Variants in BRI3 observed in about 807,000 individuals in gnomAD.
BRI3 encodes the protein membrane protein BRI3.
Under a neutral mutation model 12.8 loss-of-function variants are expected in BRI3, and 6 were observed. The ratio of observed to expected loss-of-function variants is 0.47; its 90% CI spans 0.26 to 0.93. The LOEUF (loss-of-function observed/expected upper bound fraction) is 0.93. Among genes scored for constraint, BRI3 ranks in the 40% least tolerant of loss-of-function variants. BRI3 has a pLI of 0.15. For synonymous variants in BRI3, 91 were observed against 76.1 expected, an observed-to-expected ratio of 1.20 and a Z score of -1.02; for missense variants, 134 against 171.1, an observed-to-expected ratio of 0.78 and a Z score of 1.21.
the BRI3 span, chr7:98,317,254 G>A: frequency 1.7e-5 from 28 of 1,614,030 alleles, no homozygotes; most frequent in Non-Finnish European, 1.8e-5. Flanking sequence ...AGTGCGTTTC[G>A]GCTTCCTTGG....
downstream of BRI3, among the ~76,000 whole-genome samples, chr7:98,295,391 T>C (rs1386643593): frequency 2.1e-4 from 32 of 152,200 alleles, no homozygotes; most frequent in Admixed American, 2.1e-3. Flanking sequence ...TTGCACATCC[T>C]ACAGGGCTTT....
chr7:98,283,568 G>C (rs140403173), intron 2 of BRI3, among the ~76,000 whole-genome samples: 1 of 152,168 alleles, frequency 6.6e-6, no homozygotes, highest in African/African-American at 2.4e-5. Flanking sequence ...GGCTGCCTTC[G>C]GGACATAGTT....
At chr7:98,315,568 G>A in the BRI3 span, 2 of 1,487,088 alleles carry the variant, frequency 1.3e-6, no homozygotes, top group Non-Finnish European at 1.8e-6. Context: ...CATCTGCAAT[G>A]AATTTCTGGA....
At chr7:98,312,241 C>A (rs1236483901), downstream of BRI3, 1 of 1,612,730 alleles carries the variant, frequency 6.2e-7, no homozygotes, top group East Asian at 2.2e-5. Flanking sequence ...ACCGAGGCAG[C>A]TTGGAATTCA....
intron 2 of BRI3, among the ~76,000 whole-genome samples, chr7:98,290,315 C>T (rs1009875575): frequency 4.0e-5 from 6 of 151,512 alleles, no homozygotes; most frequent in Non-Finnish European, 7.4e-5. Context: ...CCTGCCTCAG[C>T]CTCCTGAGTA....
At chr7:98,302,263 T>C (rs1800460619), upstream of BRI3, among the ~76,000 whole-genome samples, 1 of 152,196 alleles carries the variant, frequency 6.6e-6, no homozygotes, top group African/African-American at 2.4e-5. Context: ...ATAAATACGC[T>C]GACAATGACA....
upstream of BRI3, among the ~76,000 whole-genome samples, chr7:98,305,439 C>A (rs1051536617): frequency 1.3e-5 from 2 of 152,130 alleles, no homozygotes; most frequent in African/African-American, 4.8e-5. Context: ...TTGCAGACAG[C>A]ATCAGACCCT....
Position 98,290,178 on chromosome 7 carries a change from G to GTTT in BRI3, c.246-931_246-930insTTT, listed in dbSNP as rs1200763476. The stretch of plus-strand genomic sequence containing the variant: ...CACCAAAATGATCATGCCTCTCAAG[G>GTTT]TTGTTTTTTTTTTTTTTTTTTTTTT... On this transcript the variant is annotated intron_variant, in intron 2 of 2. Transcript: ENST00000297290. Among the ~76,000 whole-genome samples the GTTT allele has an allele frequency of 1.5e-3, 142 of 92,252 alleles. 3 individuals are homozygous for GTTT. The highest frequency in any genetic ancestry group is 3.8e-3 in the African/African-American group (107 of 28,316). The allele number at this position is 92,252 out of a possible 152,430, so 60.5% of individuals were successfully genotyped here.
chr7:98,313,898 G>A (rs1443298375), downstream of BRI3, among the ~76,000 whole-genome samples: 2 of 151,622 alleles, frequency 1.3e-5, no homozygotes, highest in Non-Finnish European at 2.9e-5. Context: ...CCAAAGGGCT[G>A]GGATTATAGG....
At chr7:98,300,574 C>T (rs767970112) in intron 1 of BRI3, among the ~76,000 whole-genome samples, 5 of 152,272 alleles carry the variant, frequency 3.3e-5, no homozygotes, top group East Asian at 1.9e-4. Context: ...TCTAACCTGC[C>T]GTGGGCCTTG....
downstream of BRI3, among the ~76,000 whole-genome samples, chr7:98,295,075 C>T (rs935754149): frequency 1.3e-5 from 2 of 152,236 alleles, no homozygotes; most frequent in Admixed American, 6.5e-5. Flanking sequence ...GGAAGCGTCC[C>T]AGCACCCCCA....
chr7:98,293,556 C>A, downstream of BRI3: 2 of 1,613,942 alleles, frequency 1.2e-6, no homozygotes, highest in Non-Finnish European at 8.5e-7. Flanking sequence ...TCATTCGTCA[C>A]AGTCGGGCGG....
exon 2 of BRI3, chr7:98,309,050 ATC>A (rs1281831396): frequency 6.6e-6 from 1 of 151,726 alleles, no homozygotes; most frequent in Non-Finnish European, 1.5e-5. Context: ...ACAATGCAAG[ATC>A]TCTTTCTGCT....
At chr7:98,308,349 G>T in exon 2 of BRI3, 1 of 450,658 alleles carries the variant, frequency 2.2e-6, no homozygotes, top group Non-Finnish European at 4.5e-6. Context: ...AGTTGGTCTT[G>T]CCATGCTGGC....
At chr7:98,295,326 G>T (rs895457746), downstream of BRI3, among the ~76,000 whole-genome samples, 1 of 152,114 alleles carries the variant, frequency 6.6e-6, no homozygotes, top group East Asian at 1.9e-4. Flanking sequence ...CAGGGCATCT[G>T]GGGCCAATTC....
At chr7:98,282,261 G>A (rs1799544847) in intron 1 of BRI3, 90 bp from the exon 2 acceptor site, 1 of 1,146,950 alleles carries the variant, frequency 8.7e-7, no homozygotes. Context: ...TTTTTTAGCG[G>A]GGTGGAGGTT....
At chr7:98,294,275 G>C (rs1562961534), downstream of BRI3, among the ~76,000 whole-genome samples, 1 of 152,206 alleles carries the variant, frequency 6.6e-6, no homozygotes. Context: ...CTACAGGTGT[G>C]AGCCGCTGCG....
chr7:98,320,184 G>A, the BRI3 span: 4 of 1,588,380 alleles, frequency 2.5e-6, no homozygotes, highest in Non-Finnish European at 3.4e-6. Context: ...AGCAAAATAA[G>A]TTCTAAAACC....
downstream of BRI3, chr7:98,293,114 A>G (rs1326429698): frequency 4.8e-6 from 2 of 416,784 alleles, no homozygotes; most frequent in African/African-American, 4.2e-5. Flanking sequence ...ACATAATGCT[A>G]TTAAGAGCAC....
Sources: gnomAD v4.1 joint callset for allele counts (sites outside exome capture counted in the v4.1 genomes callset) on GRCh38, gnomAD v4.1.1 for gene constraint, MANE v1.5 for transcripts, NCBI Gene and HGNC (gene_info 2026-07-23, HGNC 2026-07-21) for gene names.